RS1: variants seen among roughly 807,000 people sequenced by gnomAD.
The protein encoded by RS1 is retinoschisin.
Under a neutral mutation model 20.8 loss-of-function variants are expected in RS1, and 2 were observed. The observed-to-expected ratio is 0.10, with a 90% CI of 0.04 to 0.30. RS1 has a LOEUF of 0.30. Ranked by LOEUF, RS1 falls within the 10% of genes least tolerant of loss-of-function variation. The pLI, the probability that RS1 is intolerant of heterozygous loss-of-function variation, is 1.00. For missense variants in RS1, 151 were observed against 189.8 expected, an observed-to-expected ratio of 0.80 and a Z score of 1.20; for synonymous variants, 70 against 75.8, an observed-to-expected ratio of 0.92 and a Z score of 0.40.
rs200074383 is a variant in RS1 at position 18,644,425 on chromosome X, C to T, written c.522+5G>A. Reference sequence around the variant, plus strand: ...TGAAGTTGGTTTGGGATAAGCCCAACTTACCCGGTTGTTTCCAGTCTGGTC... The same window carrying T: ...TGAAGTTGGTTTGGGATAAGCCCAATTTACCCGGTTGTTTCCAGTCTGGTC... On this transcript the variant is annotated splice_donor_5th_base_variant and intron_variant, in intron 5 of 5. Coordinates refer to ENST00000379984, the MANE Select transcript of RS1 (RefSeq NM_000330.4). 5.6e-5 allele frequency: 68 copies of T among 1,209,288 alleles called. No individual in the cohort carries two copies. The highest frequency in any genetic ancestry group is 7.0e-5 in the Non-Finnish European group (63 of 894,848).
At chrX:18,653,418 T>C in intron 3 of RS1, 1 of 1,210,023 alleles carries the variant, frequency 8.3e-7, no homozygotes, top group Non-Finnish European at 1.1e-6. Flanking sequence ...CCGCTGTCCT[T>C]CTGTGCTTTC....
intron 5 of RS1, among the ~76,000 whole-genome samples, 156 bp downstream of exon 5, chrX:18,644,274 G>C (rs1927685923): frequency 8.9e-6 from 1 of 111,922 alleles, no homozygotes; most frequent in Non-Finnish European, 1.9e-5. Flanking sequence ...AGCAAGCCCA[G>C]GAAAGAGAGC....
At chrX:18,652,176 G>A (rs1305418510) in intron 3 of RS1, among the ~76,000 whole-genome samples, 1 of 111,421 alleles carries the variant, frequency 9.0e-6, no homozygotes, top group African/African-American at 3.3e-5. Flanking sequence ...TGGACAGATG[G>A]ATGGAGAGAT....
intron 3 of RS1, among the ~76,000 whole-genome samples, chrX:18,648,108 A>G (rs1474915667): frequency 9.0e-6 from 1 of 111,324 alleles, no homozygotes; most frequent in Non-Finnish European, 1.9e-5. Context: ...AGGCTGAGGC[A>G]GGAGAATCGC....
intron 1 of RS1, among the ~76,000 whole-genome samples, chrX:18,658,134 C>T (rs907651138): frequency 9.0e-6 from 1 of 111,377 alleles, no homozygotes; most frequent in African/African-American, 3.3e-5. Flanking sequence ...CGCTCCACTG[C>T]ACTCCAGCCT....
chrX:18,658,839 C>G (rs1412116449), intron 1 of RS1, among the ~76,000 whole-genome samples: 3 of 110,661 alleles, frequency 2.7e-5, no homozygotes, highest in Non-Finnish European at 5.7e-5. Context: ...GCCCAATGTG[C>G]TATTCAGGAG....
At chrX:18,647,746 T>C (rs1279361109) in intron 3 of RS1, 2 of 173,080 alleles carry the variant, frequency 1.2e-5, no homozygotes, top group Non-Finnish European at 2.2e-5. Flanking sequence ...TCCTGCCTCA[T>C]GACGTCAGGT....
intron 3 of RS1, among the ~76,000 whole-genome samples, chrX:18,654,603 T>C (rs2042842620): frequency 9.0e-6 from 1 of 111,135 alleles, no homozygotes; most frequent in African/African-American, 3.3e-5. Flanking sequence ...GAAAGATGGG[T>C]GAATTGAGTT....
chrX:18,653,345 CG>C, intron 3 of RS1: 1 of 1,170,188 alleles, frequency 8.5e-7, no homozygotes, highest in East Asian at 3.2e-5. Flanking sequence ...CCTTCTGCTC[CG>C]TGGGGGGCCC....
Position 18,641,765 on chromosome X carries a change from G to A in RS1, c.*239C>T. The A allele has an allele frequency of 5.0e-6, 2 of 401,615 alleles. No homozygotes were observed. Among genetic ancestry groups the A allele is most frequent in the South Asian group, 3.9e-5 (1 of 25,531 alleles). 33.1% of individuals were successfully genotyped at this position (401,615 alleles called of 1,213,427 possible). A position where few individuals can be genotyped will look rare whatever the true frequency, so the allele number is the denominator to read the frequency against. Reference sequence around the variant, plus strand: ...TACTTAGGCTTTTGTAAGAAAATTCGTTTCGGGGACATTTTCTTTGTTCTG... The same window carrying A: ...TACTTAGGCTTTTGTAAGAAAATTCATTTCGGGGACATTTTCTTTGTTCTG... On this transcript the variant is annotated 3_prime_UTR_variant, in exon 6 of 6. Coordinates refer to ENST00000379984, the MANE Select transcript of RS1 (RefSeq NM_000330.4).
Position 18,657,679 on chromosome X carries a change from A to T in RS1, c.53-14T>A. 1 of 1,176,194 alleles carries T rather than the reference A, an allele frequency of 8.5e-7. No individual in the cohort carries two copies. The highest frequency in any genetic ancestry group is 1.2e-6 in the Non-Finnish European group (1 of 863,215). ...ATCCCAATGTGGCTAAAGCAAAAGG[A>T]TGAGACAGAAAAAATCTAATTAATG... On this transcript the variant is annotated splice_polypyrimidine_tract_variant and intron_variant, in intron 1 of 5. Transcript: ENST00000379984.
intron 2 of RS1, 58 bp from the exon 3 acceptor site, chrX:18,656,816 C>T: frequency 1.0e-6 from 1 of 981,934 alleles, no homozygotes; most frequent in Non-Finnish European, 1.5e-6. Flanking sequence ...ACTGTGGTTG[C>T]CCCCACGGAG....
chrX:18,647,377 C>T (rs188712565), intron 3 of RS1, 45 bp from the exon 4 acceptor site: 2 of 1,179,005 alleles, frequency 1.7e-6, no homozygotes, highest in East Asian at 3.0e-5. Flanking sequence ...TCTCAATACT[C>T]AACAAGCACC....
chrX:18,668,379 G>A (rs1281416186), intron 1 of RS1, among the ~76,000 whole-genome samples: 1 of 112,559 alleles, frequency 8.9e-6, no homozygotes, highest in Non-Finnish European at 1.9e-5. Context: ...CAACCCATGA[G>A]GAAAGGCGCG....
chrX:18,655,335 A>G (rs1384798275), intron 3 of RS1, among the ~76,000 whole-genome samples: 1 of 112,108 alleles, frequency 8.9e-6, no homozygotes, highest in Non-Finnish European at 1.9e-5. Context: ...ATGCTTGAGC[A>G]TTTACATATT....
chrX:18,648,480 G>T (rs1236559158), intron 3 of RS1, among the ~76,000 whole-genome samples: 5 of 110,580 alleles, frequency 4.5e-5, no homozygotes, highest in Non-Finnish European at 9.5e-5. Flanking sequence ...GGGCTCAAGG[G>T]ATCCACCTGC....
intron 3 of RS1, among the ~76,000 whole-genome samples, chrX:18,649,382 A>G (rs1262484396): frequency 8.9e-6 from 1 of 111,742 alleles, no homozygotes; most frequent in Non-Finnish European, 1.9e-5. Flanking sequence ...ATGAATGATA[A>G]ACTGCAATTA....
intron 3 of RS1, among the ~76,000 whole-genome samples, chrX:18,653,925 G>A (rs1464459651): frequency 9.2e-6 from 1 of 109,122 alleles, no homozygotes; most frequent in Non-Finnish European, 1.9e-5. Flanking sequence ...CCGAGATCAC[G>A]CTACTGTACT....
chrX:18,643,673 C>T (rs539238962), intron 5 of RS1, among the ~76,000 whole-genome samples: 1 of 111,989 alleles, frequency 8.9e-6, no homozygotes, highest in Non-Finnish European at 1.9e-5. Context: ...AAATTGTCAT[C>T]AGAGACTTAC....
Sources: gnomAD v4.1 joint callset for allele counts (sites outside exome capture counted in the v4.1 genomes callset) on GRCh38, gnomAD v4.1.1 for gene constraint, MANE v1.5 for transcripts, NCBI Gene and HGNC (gene_info 2026-07-23, HGNC 2026-07-21) for gene names.